Variants in TENM3 observed in about 807,000 individuals in gnomAD.
TENM3 encodes the protein teneurin transmembrane protein 3.
In TENM3, 63 loss-of-function variants were observed where a neutral mutation model predicts 255.1. The observed-to-expected ratio is 0.25, with a 90% confidence interval of 0.20 to 0.30. The LOEUF (loss-of-function observed/expected upper bound fraction) is 0.30, where lower values mean the gene tolerates loss of function less well. TENM3 is among the 10% of genes least tolerant of loss of function. The pLI, the probability that TENM3 is intolerant of heterozygous loss-of-function variation, is 1.00. For missense variants in TENM3, 2,929 were observed against 3,461.1 expected (o/e 0.85, Z 3.86); for synonymous variants, 1,306 against 1,322.3 (o/e 0.99, Z 0.27).
chr4:182,649,933 A>T (rs1753104856), intron 5 of TENM3, among the ~76,000 whole-genome samples: 1 of 150,474 alleles, frequency 6.6e-6, no homozygotes, highest in African/African-American at 2.4e-5. Context: ...GTATGTGGTG[A>T]TACATCTTTT....
At chr4:181,872,310 G>T in the TENM3 span, among the ~76,000 whole-genome samples, 1 of 149,508 alleles carries the variant, frequency 6.7e-6, no homozygotes, top group East Asian at 2.1e-4. Flanking sequence ...ATATTTGCAG[G>T]GTTTTACTTT....
At chr4:181,930,718 G>T in the TENM3 span, among the ~76,000 whole-genome samples, 1 of 152,224 alleles carries the variant, frequency 6.6e-6, no homozygotes, top group East Asian at 1.9e-4. Context: ...AACAAAAAAA[G>T]AAAACTTCAG....
At chr4:181,558,907 G>A in the TENM3 span, among the ~76,000 whole-genome samples, 1 of 152,076 alleles carries the variant, frequency 6.6e-6, no homozygotes, top group South Asian at 2.1e-4. Context: ...AGAGCATTTG[G>A]GAAACTTAGC....
the TENM3 span, among the ~76,000 whole-genome samples, chr4:181,647,546 T>G: frequency 6.6e-6 from 1 of 152,206 alleles, no homozygotes; most frequent in Non-Finnish European, 1.5e-5. Flanking sequence ...TGATCCTATG[T>G]TTGCTTTTGT....
chr4:182,784,524 C>T, intron 24 of TENM3, among the ~76,000 whole-genome samples: 1 of 151,674 alleles, frequency 6.6e-6, no homozygotes, highest in East Asian at 1.9e-4. Context: ...TGTGCCCTGC[C>T]CCCAGAGGTG....
the TENM3 span, among the ~76,000 whole-genome samples, chr4:181,984,093 T>G: frequency 6.6e-6 from 1 of 151,976 alleles, no homozygotes; most frequent in Non-Finnish European, 1.5e-5. Context: ...TGTCCCCTTT[T>G]TTGTCTGTGG....
intron 3 of TENM3, among the ~76,000 whole-genome samples, chr4:182,533,742 C>T (rs1337020585): frequency 6.6e-6 from 1 of 151,760 alleles, no homozygotes; most frequent in African/African-American, 2.4e-5. Flanking sequence ...AGTGAAACCC[C>T]GTCTCTACAG....
the TENM3 span, among the ~76,000 whole-genome samples, chr4:181,987,404 T>G: frequency 6.6e-6 from 1 of 152,082 alleles, no homozygotes; most frequent in Non-Finnish European, 1.5e-5. Context: ...TACACCTGAC[T>G]GCAGCGCTAA....
intron 4 of TENM3, among the ~76,000 whole-genome samples, chr4:182,614,416 TAA>T (rs1381754463): frequency 6.6e-6 from 1 of 152,150 alleles, no homozygotes; most frequent in Non-Finnish European, 1.5e-5. Context: ...TCATCCTTTT[TAA>T]AAGTTAGCAG....
chr4:182,296,773 T>A (rs905682139), intron 1 of TENM3, among the ~76,000 whole-genome samples: 1 of 152,168 alleles, frequency 6.6e-6, no homozygotes, highest in South Asian at 2.1e-4. Flanking sequence ...AGAGCTCAAT[T>A]TTTTTTTCTT....
At chr4:181,493,034 T>C in the TENM3 span, among the ~76,000 whole-genome samples, 3 of 151,654 alleles carry the variant, frequency 2.0e-5, no homozygotes, top group Non-Finnish European at 4.4e-5. Flanking sequence ...AAAAAAAAAT[T>C]TGGAATGAAG....
chr4:181,454,682 C>CTTTTTTTTTTTTTTT, the TENM3 span, among the ~76,000 whole-genome samples: 1 of 148,138 alleles, frequency 6.8e-6, no homozygotes, highest in African/African-American at 2.5e-5. Context: ...CATTTTTATA[C>CTTTTTTTTTTTTTTT]TTTTTTTTTC....
rs1756726553 is a variant in TENM3 at position 182,688,084 on chromosome 4, G to A, written c.2036-82G>A. On this transcript the variant is annotated intron_variant, in intron 11 of 27. Coordinates refer to ENST00000511685, the MANE Select transcript of TENM3 (RefSeq NM_001080477.4). ...TGTTTCCCTTGAACAAATTTGTGTG[G>A]AAGATAAAAGCTGCTTATTAATTCC... The A allele has an allele frequency of 3.1e-6, 4 of 1,290,728 alleles. No homozygotes were observed. In the South Asian group the frequency reaches 6.4e-5, roughly 21 times the overall value. 80.0% of individuals were successfully genotyped at this position (1,290,728 alleles called of 1,614,324 possible). A position where few individuals can be genotyped will look rare whatever the true frequency, so the allele number is the denominator to read the frequency against.
At chr4:182,097,755 G>T in the TENM3 span, among the ~76,000 whole-genome samples, 1 of 152,226 alleles carries the variant, frequency 6.6e-6, no homozygotes, top group East Asian at 1.9e-4. Context: ...CTTATTATGT[G>T]CCAAGTTCTG....
chr4:182,762,317 T>C (rs1763266294), intron 22 of TENM3, among the ~76,000 whole-genome samples: 2 of 152,218 alleles, frequency 1.3e-5, no homozygotes, highest in Admixed American at 1.3e-4. Context: ...TTAAACTCGT[T>C]CTGCAACTGT....
At chr4:181,464,931 C>A in the TENM3 span, among the ~76,000 whole-genome samples, 1 of 152,004 alleles carries the variant, frequency 6.6e-6, no homozygotes, top group Non-Finnish European at 1.5e-5. Flanking sequence ...CCAGCCTGGG[C>A]AACAAGAGTG....
At chr4:181,650,127 T>A in the TENM3 span, among the ~76,000 whole-genome samples, 1 of 152,216 alleles carries the variant, frequency 6.6e-6, no homozygotes, top group Non-Finnish European at 1.5e-5. Flanking sequence ...TCAAAGATTA[T>A]GCATAATAGC....
At chr4:182,657,419 C>T (rs573598598) in intron 6 of TENM3, among the ~76,000 whole-genome samples, 5 of 152,212 alleles carry the variant, frequency 3.3e-5, no homozygotes, top group East Asian at 1.9e-4. Context: ...ATCTTTATTC[C>T]TCCACATATG....
intron 6 of TENM3, among the ~76,000 whole-genome samples, chr4:182,654,270 A>G (rs1753572116): frequency 6.6e-6 from 1 of 152,188 alleles, no homozygotes. Context: ...ACACTGTATT[A>G]ATTTTATTAT....
Sources: gnomAD v4.1 joint callset for allele counts (sites outside exome capture counted in the v4.1 genomes callset) on GRCh38, gnomAD v4.1.1 for gene constraint, MANE v1.5 for transcripts, NCBI Gene and HGNC (gene_info 2026-07-23, HGNC 2026-07-21) for gene names.